Variants in SRR observed in about 807,000 individuals in gnomAD.
SRR encodes D-serine ammonia-lyase.
Under a neutral mutation model 32.7 loss-of-function variants are expected in SRR, and 19 were observed. The ratio of observed to expected loss-of-function variants is 0.58; its 90% CI spans 0.40 to 0.85. The LOEUF (loss-of-function observed/expected upper bound fraction) is 0.85, where lower values mean the gene tolerates loss of function less well. Ranked by LOEUF, SRR falls within the 40% of genes least tolerant of loss-of-function variation. SRR has a pLI of 0.00. For synonymous variants in SRR, 142 were observed against 140.9 expected (o/e 1.01, Z -0.06); for missense variants, 373 against 404.7 (o/e 0.92, Z 0.67).
chr17:2,324,912 G>A lies in SRR; in HGVS notation c.*1039G>A, dbSNP rs1006409188. The A allele has an allele frequency of 1.4e-6, 2 of 1,480,542 alleles. No individual in the cohort carries two copies. The highest frequency in any genetic ancestry group is 2.4e-5 in the Admixed American group (1 of 41,948). 91.7% of individuals were successfully genotyped at this position (1,480,542 alleles called of 1,614,324 possible). A position where few individuals can be genotyped will look rare whatever the true frequency, so the allele number is the denominator to read the frequency against. On this transcript the variant is annotated 3_prime_UTR_variant, in exon 8 of 8. Transcript: ENST00000344595. ...TTGCCCAGTCCATTTAAAGACCCAT[G>A]CAAGAGCCTGGTTTGTCATCCCTGC...
At chr17:2,310,877 G>C (rs1469144758) in intron 1 of SRR, among the ~76,000 whole-genome samples, 1 of 152,098 alleles carries the variant, frequency 6.6e-6, no homozygotes, top group Non-Finnish European at 1.5e-5. Context: ...CTCCCGAGTA[G>C]CTGGGACTAC....
intron 1 of SRR, among the ~76,000 whole-genome samples, chr17:2,309,048 G>A (rs1346179352): frequency 2.0e-5 from 3 of 152,136 alleles, no homozygotes; most frequent in Non-Finnish European, 2.9e-5. Context: ...AATCCGGGAG[G>A]CGGAGGTTGC....
At chr17:2,313,626 C>G (rs1178179366) in intron 1 of SRR, among the ~76,000 whole-genome samples, 1 of 151,806 alleles carries the variant, frequency 6.6e-6, no homozygotes, top group African/African-American at 2.4e-5. Flanking sequence ...ATGCCAGCAA[C>G]TCAGGAGGTT....
At chr17:2,306,709 T>A in intron 1 of SRR, 1 of 524,716 alleles carries the variant, frequency 1.9e-6, no homozygotes, top group Non-Finnish European at 3.4e-6. Flanking sequence ...AGATAGAGAC[T>A]CTGTCTCAAA....
intron 1 of SRR, among the ~76,000 whole-genome samples, chr17:2,313,480 A>G (rs2151431654): frequency 6.6e-6 from 1 of 151,822 alleles, no homozygotes; most frequent in South Asian, 2.1e-4. Context: ...TCACGCCTGT[A>G]ATACCAGCAC....
upstream of SRR, chr17:2,303,914 G>C (rs2099764716): frequency 2.5e-6 from 1 of 395,112 alleles, no homozygotes. Flanking sequence ...GGCGGGACCG[G>C]AGCGAGAGCC....
At chr17:2,303,422 C>T (rs915657948), upstream of SRR, 10 of 1,261,156 alleles carry the variant, frequency 7.9e-6, no homozygotes, top group African/African-American at 1.2e-4. Flanking sequence ...GGGCCAGGCT[C>T]TCCCGGAGCT....
At chr17:2,303,872 G>T (rs1002533383), upstream of SRR, 3 of 604,590 alleles carry the variant, frequency 5.0e-6, no homozygotes, top group African/African-American at 5.9e-5. Context: ...GGCCGCGCTG[G>T]GAGGAAAAGC....
chr17:2,309,315 G>A (rs1158044386), intron 1 of SRR, among the ~76,000 whole-genome samples: 2 of 152,170 alleles, frequency 1.3e-5, no homozygotes, highest in Non-Finnish European at 2.9e-5. Flanking sequence ...ATCAGGATAT[G>A]TCTCTTCTGT....
chr17:2,317,276 C>T (rs1436676741), intron 2 of SRR, among the ~76,000 whole-genome samples: 2 of 148,384 alleles, frequency 1.3e-5, no homozygotes, highest in Non-Finnish European at 3.0e-5. Flanking sequence ...CTTTGGGAGG[C>T]TGAGGCAGGC....
upstream of SRR, chr17:2,303,473 G>A (rs2075334470): frequency 1.5e-6 from 2 of 1,320,408 alleles, no homozygotes; most frequent in Non-Finnish European, 1.9e-6. Context: ...TAACCCGCGA[G>A]AGAGGTAGGG....
intron 1 of SRR, among the ~76,000 whole-genome samples, chr17:2,313,387 G>A (rs550140830): frequency 2.2e-4 from 33 of 146,906 alleles, no homozygotes; most frequent in Non-Finnish European, 4.0e-4. Flanking sequence ...CTGAGATGGC[G>A]CCACCGCACT....
chr17:2,303,408 A>G (rs1327795360), upstream of SRR: 3 of 1,248,096 alleles, frequency 2.4e-6, no homozygotes, highest in Non-Finnish European at 2.0e-6. Flanking sequence ...GGAGGCAGGA[A>G]TTCGGGCCAG....
intron 4 of SRR, among the ~76,000 whole-genome samples, chr17:2,319,602 T>A: frequency 6.6e-6 from 1 of 151,870 alleles, no homozygotes; most frequent in Middle Eastern, 3.2e-3. Flanking sequence ...CTGATAACCC[T>A]CTCATACCCC....
At chr17:2,304,386 G>T (rs1166374345) in intron 1 of SRR, among the ~76,000 whole-genome samples, 1 of 12,874 alleles carries the variant, frequency 7.8e-5, no homozygotes, top group Non-Finnish European at 1.6e-4. Flanking sequence ...CTAGTAGCTG[G>T]GATTACAGGT....
At chr17:2,316,660 T>C (rs1465896516) in intron 2 of SRR, among the ~76,000 whole-genome samples, 1 of 152,054 alleles carries the variant, frequency 6.6e-6, no homozygotes, top group Non-Finnish European at 1.5e-5. Flanking sequence ...GTGGATCACC[T>C]GAGGTCAGGA....
chr17:2,312,395 A>C (rs2075439631), intron 1 of SRR, among the ~76,000 whole-genome samples: 1 of 152,090 alleles, frequency 6.6e-6, no homozygotes, highest in Non-Finnish European at 1.5e-5. Context: ...GGAGATCGAG[A>C]CCATCCTGGC....
Position 2,325,022 on chromosome 17 carries a change from G to C in SRR, c.*1149G>C, listed in dbSNP as rs1166028201. The C allele has an allele frequency of 1.6e-6, 1 of 630,114 alleles. No homozygotes were observed. Among genetic ancestry groups the C allele is most frequent in the African/African-American group, 1.8e-5 (1 of 54,464 alleles). The allele number at this position is 630,114 out of a possible 1,614,324, so 39.0% of individuals were successfully genotyped here. On this transcript the variant is annotated 3_prime_UTR_variant, in exon 8 of 8. Coordinates refer to ENST00000344595, the MANE Select transcript of SRR (RefSeq NM_021947.3). ...AGGTTCTTGAAAACTTGTACTTCAAGAGAAATGATGTATAACAAAACCATA... is the reference window on the plus strand; with the variant it reads ...AGGTTCTTGAAAACTTGTACTTCAACAGAAATGATGTATAACAAAACCATA...
chr17:2,307,613 T>G, intron 1 of SRR: 1 of 955,636 alleles, frequency 1.0e-6, no homozygotes. Context: ...GCAGAAGCTC[T>G]GGCCCCTATG....
Sources: allele counts gnomAD v4.1 joint callset (sites outside exome capture counted in the v4.1 genomes callset), GRCh38; gene constraint gnomAD v4.1.1; transcripts MANE v1.5; gene names NCBI Gene and HGNC (gene_info 2026-07-23, HGNC 2026-07-21).